Variants in ZNF91 observed in about 807,000 individuals in gnomAD.
The protein encoded by ZNF91 is zinc finger protein 91 (HPF7, HTF10).
A neutral mutation model predicts 12.6 loss-of-function variants in ZNF91; 7 were observed. The observed-to-expected ratio is 0.55, with a 90% CI of 0.31 to 1.04. The LOEUF is 1.04. ZNF91 is among the 50% of genes least tolerant of loss of function. The pLI, the probability that ZNF91 is intolerant of heterozygous loss-of-function variation, is 0.05. For synonymous variants in ZNF91, 453 were observed against 462.6 expected, an observed-to-expected ratio of 0.98 and a Z score of 0.27; for missense variants, 1,217 against 1,385.4, an observed-to-expected ratio of 0.88 and a Z score of 1.93.
chr19:23,334,542 A>C (rs1292801488), downstream of ZNF91, among the ~76,000 whole-genome samples: 1 of 152,250 alleles, frequency 6.6e-6, no homozygotes, highest in Non-Finnish European at 1.5e-5. Flanking sequence ...CTTCCTATAC[A>C]TGGTTAAATA....
At chr19:23,329,194 T>G (rs1443169752) in intron 1 of ZNF91, 1 of 152,228 alleles carries the variant, frequency 6.6e-6, no homozygotes, top group African/African-American at 2.4e-5. Context: ...AGCTTTTGAA[T>G]GATTTTCAGA....
downstream of ZNF91, among the ~76,000 whole-genome samples, chr19:23,337,079 T>C (rs1968025361): frequency 6.6e-6 from 1 of 152,192 alleles, no homozygotes; most frequent in South Asian, 2.1e-4. Context: ...ATGGTATCCA[T>C]CACTCGAATA....
At chr19:23,345,565 CCT>C (rs1191662262) in intron 3 of ZNF91, among the ~76,000 whole-genome samples, 1 of 152,160 alleles carries the variant, frequency 6.6e-6, no homozygotes, top group African/African-American at 2.4e-5. Flanking sequence ...AAATCCTCCT[CCT>C]CTGTTCTCAC....
In ZNF91 at chr19:23,393,955, G is replaced by A. The variant is rs552474685; in HGVS notation, c.30+1370C>T. Among the ~76,000 whole-genome samples, 78 of 152,260 alleles carry A rather than the reference G, an allele frequency of 5.1e-4. No individual in the cohort carries two copies. In the South Asian group the frequency reaches 0.011, roughly 22 times the overall value. On this transcript the variant is annotated intron_variant, in intron 1 of 3. Coordinates refer to ENST00000300619, the MANE Select transcript of ZNF91 (RefSeq NM_003430.4). ...GCGGAGGTTGTAGTGAGCCTAGTGCGTCACTGCACTCCAGCCTGGGTGACA... is the reference window on the plus strand; with the variant it reads ...GCGGAGGTTGTAGTGAGCCTAGTGCATCACTGCACTCCAGCCTGGGTGACA...
chr19:23,378,572 C>T (rs1315373926), intron 1 of ZNF91, among the ~76,000 whole-genome samples: 1 of 152,058 alleles, frequency 6.6e-6, no homozygotes, highest in Non-Finnish European at 1.5e-5. Context: ...AAACAAATCC[C>T]TTAAGGTTTT....
At chr19:23,317,931 T>G (rs1016740224) in intron 1 of ZNF91, among the ~76,000 whole-genome samples, 1 of 152,226 alleles carries the variant, frequency 6.6e-6, no homozygotes, top group Non-Finnish European at 1.5e-5. Flanking sequence ...TATATCTTTC[T>G]GCATGTGAGA....
intron 3 of ZNF91, among the ~76,000 whole-genome samples, chr19:23,306,497 T>TCTTTC (rs60764259): frequency 6.6e-6 from 1 of 151,800 alleles, no homozygotes; most frequent in East Asian, 1.9e-4. Context: ...ATGTGAATCT[T>TCTTTC]CTGCTTTGTC....
Position 23,373,387 on chromosome 19 carries a change from A to ATATATATATATAT in ZNF91, c.253+354_253+355insATATATATATATA, listed in dbSNP as rs1568395319. The stretch of plus-strand genomic sequence containing the variant: ...ATATATATATATATATATATATATA[A>ATATATATATATAT]ATAAACAGTACTTTAAAACCTGTTT... On this transcript the variant is annotated intron_variant, in intron 3 of 3. Coordinates refer to ENST00000300619, the MANE Select transcript of ZNF91 (RefSeq NM_003430.4). Among the ~76,000 whole-genome samples, 99 of 78,048 alleles carry ATATATATATATAT rather than the reference A, an allele frequency of 1.3e-3. 2 individuals carry two copies. The highest frequency in any genetic ancestry group is 2.1e-3 in the Non-Finnish European group (69 of 32,788). The allele number at this position is 78,048 out of a possible 152,430, so 51.2% of individuals were successfully genotyped here. A position where few individuals can be genotyped will look rare whatever the true frequency, so the allele number is the denominator to read the frequency against.
chr19:23,360,123 G>T lies in ZNF91; in HGVS notation c.2856C>A (p.Thr952=), dbSNP rs1968667745. ...ECGKAFSQSS[T]LTTHKIIHTG... Reference sequence around the variant, plus strand: ...TATGAATTATCTTATGTGTAGTAAGGGTTGAGGATTGGCTAAAAGCTTTGC... The same window carrying T: ...TATGAATTATCTTATGTGTAGTAAGTGTTGAGGATTGGCTAAAAGCTTTGC... The change falls in exon 4 of 4, where the codon ACC becomes ACA. Residue 952 remains threonine, a synonymous_variant. Transcript: ENST00000300619. The T allele has an allele frequency of 6.2e-7, 1 of 1,611,834 alleles. No homozygotes were observed.
Position 23,333,571 on chromosome 19 carries a change from C to T in ZNF91, n.117-24474G>A, listed in dbSNP as rs115131404. Among the ~76,000 whole-genome samples the T allele has an allele frequency of 9.2e-4, 140 of 152,222 alleles. 1 individual carries two copies. The highest frequency in any genetic ancestry group is 3.2e-3 in the African/African-American group (133 of 41,532). ...TGTTTGAGATGGGGTCACCAGTGTG[C>T]CTAGATTCTTTTATGAGGGTGCCTG... On this transcript the variant is annotated intron_variant and non_coding_transcript_variant, in intron 1 of 1. Coordinates refer to the ZNF91 transcript ENST00000596528.
intron 3 of ZNF91, among the ~76,000 whole-genome samples, chr19:23,344,331 T>G (rs1426834965): frequency 1.3e-5 from 2 of 152,100 alleles, no homozygotes; most frequent in Admixed American, 6.5e-5. Context: ...CCTGACCTCA[T>G]GATCCGCCCG....
At chr19:23,321,871 C>T (rs1175591038) in intron 1 of ZNF91, among the ~76,000 whole-genome samples, 2 of 152,174 alleles carry the variant, frequency 1.3e-5, no homozygotes, top group Non-Finnish European at 2.9e-5. Context: ...GTGGCTTATC[C>T]CTGGGCCCAG....
At position 23,323,187 on chromosome 19, in the gene ZNF91, C is replaced by T. The variant is rs373690740; in HGVS notation, n.117-14090G>A. On this transcript the variant is annotated intron_variant and non_coding_transcript_variant, in intron 1 of 1. Transcript: ENST00000596528. ...TCCACCTTTTTCTCTTCCTCCTTCT[C>T]CTATCCACATTCTCCTCTTCCTCTT... Among the ~76,000 whole-genome samples, 51 of 149,374 alleles carry T rather than the reference C, an allele frequency of 3.4e-4. No homozygotes were observed. The South Asian group carries it at 0.011, about 32-fold the overall frequency.
chr19:23,360,610 C>A lies in ZNF91; in HGVS notation c.2369G>T (p.Arg790Met). Residue 790 changes from arginine (R) to methionine (M), a missense_variant, in exon 4 of 4, where the codon AGG (arginine) becomes ATG (methionine). This residue lies in a region of ZNF91 where 491 missense variants were observed against 489.8 expected (regional missense o/e 1.00). Transcript: ENST00000300619. ...IWSSTLTRHK[R>M]IHTGEKPYKC... ...GTAGGGCTTCTCTCCAGTGTGTATC[C>A]TCTTATGTCTAGTTAGGGTTGAAGA... The A allele has an allele frequency of 6.2e-7, 1 of 1,612,068 alleles. No homozygotes were observed. Among genetic ancestry groups the A allele is most frequent in the Non-Finnish European group, 8.5e-7 (1 of 1,179,514 alleles).
At chr19:23,310,118 A>G (rs958889255) in intron 1 of ZNF91, among the ~76,000 whole-genome samples, 1 of 151,988 alleles carries the variant, frequency 6.6e-6, no homozygotes, top group African/African-American at 2.4e-5. Context: ...AGCTACAGAC[A>G]CTATCATGAG....
chr19:23,347,619 A>G (rs1172694026), intron 3 of ZNF91, among the ~76,000 whole-genome samples: 1 of 151,854 alleles, frequency 6.6e-6, no homozygotes, highest in Non-Finnish European at 1.5e-5. Flanking sequence ...CTCTCAAACA[A>G]TCTCTATCCT....
chr19:23,349,894 C>A (rs966712215), intron 3 of ZNF91, among the ~76,000 whole-genome samples: 3 of 152,192 alleles, frequency 2.0e-5, no homozygotes, highest in African/African-American at 7.2e-5. Flanking sequence ...AAGATGGCAA[C>A]AGGATGAATG....
rs749775259 is a variant in ZNF91 at position 23,360,484 on chromosome 19, C to T, written c.2495G>A (p.Gly832Asp). 3 of 1,613,074 alleles carry T rather than the reference C, an allele frequency of 1.9e-6. No homozygotes were observed. The highest frequency in any genetic ancestry group is 2.2e-5 in the South Asian group (2 of 91,024). The change falls in exon 4 of 4, where the codon GGC becomes GAC. Residue 832 changes from glycine to aspartate, a missense_variant. Physicochemically the swap from Gly to Asp is moderately conservative, Grantham distance 94. This residue lies in a region of ZNF91 where 491 missense variants were observed against 489.8 expected (regional missense o/e 1.00). Transcript: ENST00000300619. ...GGCTGAGGAGTGCTTAAAAGCTTTGCCACATTCTTTACATTTGTAGGGTTT... is the reference window on the plus strand; with the variant it reads ...GGCTGAGGAGTGCTTAAAAGCTTTGTCACATTCTTTACATTTGTAGGGTTT... ...GEKPYKCKECGKAFKHSSALA... is the reference protein window; with the variant it reads ...GEKPYKCKECDKAFKHSSALA...
chr19:23,317,215 A>G (rs1204185199), intron 1 of ZNF91, among the ~76,000 whole-genome samples: 1 of 151,660 alleles, frequency 6.6e-6, no homozygotes, highest in Non-Finnish European at 1.5e-5. Context: ...CTGGCTAACT[A>G]TTTTTTGTAT....
Sources: allele counts gnomAD v4.1 joint callset (sites outside exome capture counted in the v4.1 genomes callset), GRCh38; gene constraint gnomAD v4.1.1; regional missense constraint gnomAD v4.1.1; transcripts MANE v1.5; gene names NCBI Gene and HGNC (gene_info 2026-07-23, HGNC 2026-07-21).